The following NAALADL2 variants were observed in gnomAD, a reference collection of about 807,000 sequenced individuals.
NAALADL2 encodes N-acetylated alpha-linked acidic dipeptidase like 2.
Under a neutral mutation model 87.2 loss-of-function variants are expected in NAALADL2, and 76 were observed. That is an observed-to-expected ratio of 0.87 (90% CI 0.72 to 1.05). The LOEUF (loss-of-function observed/expected upper bound fraction) is 1.05. Ranked by LOEUF, NAALADL2 falls within the 50% of genes least tolerant of loss-of-function variation. NAALADL2 has a pLI of 0.00. For synonymous variants in NAALADL2, 354 were observed against 331.0 expected (o/e 1.07, Z -0.75); for missense variants, 1,089 against 945.8 (o/e 1.15, Z -1.99).
chr3:174,735,202 A>C (rs917290489), intron 2 of NAALADL2, among the ~76,000 whole-genome samples: 2 of 152,218 alleles, frequency 1.3e-5, no homozygotes, highest in Non-Finnish European at 2.9e-5. Flanking sequence ...TAGAATAACC[A>C]ATCTTGGTAT....
intron 3 of NAALADL2, among the ~76,000 whole-genome samples, chr3:174,752,827 A>G: frequency 6.6e-6 from 1 of 152,196 alleles, no homozygotes; most frequent in East Asian, 1.9e-4. Context: ...ATTTCATACA[A>G]AAAATTTAGT....
intron 13 of NAALADL2, among the ~76,000 whole-genome samples, chr3:175,800,608 C>CA (rs1754032284): frequency 1.3e-5 from 2 of 151,726 alleles, no homozygotes. Flanking sequence ...TCCAAAGATA[C>CA]AAAATCGACT....
At chr3:175,379,353 A>G (rs1167592245) in intron 5 of NAALADL2, among the ~76,000 whole-genome samples, 1 of 152,006 alleles carries the variant, frequency 6.6e-6, no homozygotes, top group Non-Finnish European at 1.5e-5. Flanking sequence ...CCCAAACTAC[A>G]AACTATCCAT....
At chr3:174,738,381 C>A (rs367719850) in intron 3 of NAALADL2, among the ~76,000 whole-genome samples, 3 of 152,194 alleles carry the variant, frequency 2.0e-5, no homozygotes, top group Non-Finnish European at 4.4e-5. Flanking sequence ...GGAACATAGA[C>A]AAATCTTTTA....
intron 5 of NAALADL2, among the ~76,000 whole-genome samples, chr3:175,327,447 A>G (rs562010043): frequency 1.3e-5 from 2 of 151,888 alleles, no homozygotes; most frequent in Admixed American, 1.3e-4. Context: ...GAGCCACCGC[A>G]CCCTGCCTCA....
intron 2 of NAALADL2, among the ~76,000 whole-genome samples, chr3:174,554,553 GT>G (rs1712521295): frequency 6.7e-6 from 1 of 149,098 alleles, no homozygotes; most frequent in South Asian, 2.1e-4. Context: ...TTGTTAAAAT[GT>G]GACAGTTTTT....
At chr3:175,098,110 C>A (rs1053659185) in intron 2 of NAALADL2, among the ~76,000 whole-genome samples, 1 of 152,096 alleles carries the variant, frequency 6.6e-6, no homozygotes, top group African/African-American at 2.4e-5. Context: ...ATCCTCTAAT[C>A]CTCTTCCTGA....
chr3:175,202,156 T>C (rs900053197), intron 2 of NAALADL2, among the ~76,000 whole-genome samples: 10 of 152,168 alleles, frequency 6.6e-5, no homozygotes, highest in African/African-American at 2.4e-4. Flanking sequence ...AAAATTCATA[T>C]TCCTAATCAC....
At chr3:175,691,928 G>A (rs775331043) in intron 11 of NAALADL2, among the ~76,000 whole-genome samples, 5 of 151,882 alleles carry the variant, frequency 3.3e-5, no homozygotes, top group Admixed American at 1.3e-4. Context: ...TGCATTTTAC[G>A]GTAAACCTTT....
intron 4 of NAALADL2, among the ~76,000 whole-genome samples, chr3:175,310,603 T>C (rs536795470): frequency 9.9e-5 from 15 of 152,042 alleles, no homozygotes; most frequent in African/African-American, 3.1e-4. Context: ...ATTGGTAGCT[T>C]AATAAAAAAT....
chr3:175,503,332 A>G (rs1729820367), intron 9 of NAALADL2, among the ~76,000 whole-genome samples: 1 of 152,084 alleles, frequency 6.6e-6, no homozygotes, highest in Non-Finnish European at 1.5e-5. Context: ...TCTACCACCG[A>G]TGGGTATTTA....
chr3:174,755,010 C>A (rs1281587558), intron 3 of NAALADL2, among the ~76,000 whole-genome samples: 1 of 152,084 alleles, frequency 6.6e-6, no homozygotes, highest in African/African-American at 2.4e-5. Context: ...GTGTCCCCAC[C>A]CAAATCTCGT....
chr3:174,815,830 G>GTTTTTTTTTTTTTTTTT (rs10589968), intron 3 of NAALADL2, among the ~76,000 whole-genome samples: 1 of 115,196 alleles, frequency 8.7e-6, no homozygotes, highest in Non-Finnish European at 1.8e-5. Context: ...TTTGACTTTA[G>GTTTTTTTTTTTTTTTTT]TTTTTTTTTT....
At chr3:175,351,252 C>A (rs1763732007) in intron 5 of NAALADL2, among the ~76,000 whole-genome samples, 1 of 151,902 alleles carries the variant, frequency 6.6e-6, no homozygotes, top group Admixed American at 6.6e-5. Context: ...AAAAAAATAG[C>A]TGTGCATTTC....
chr3:175,198,808 A>C (rs1053799567), intron 2 of NAALADL2, among the ~76,000 whole-genome samples: 1 of 151,310 alleles, frequency 6.6e-6, no homozygotes, highest in Non-Finnish European at 1.5e-5. Flanking sequence ...TTTCCCAAAA[A>C]CTCAGGATTT....
chr3:175,137,928 T>A (rs1286719526), intron 2 of NAALADL2, among the ~76,000 whole-genome samples: 3 of 152,104 alleles, frequency 2.0e-5, no homozygotes, highest in Non-Finnish European at 2.9e-5. Context: ...CAGTCCGAGA[T>A]TGACCCAATT....
chr3:175,508,446 T>C (rs1730656563), intron 9 of NAALADL2, among the ~76,000 whole-genome samples: 1 of 152,212 alleles, frequency 6.6e-6, no homozygotes, highest in Non-Finnish European at 1.5e-5. Flanking sequence ...GCTCCTCTTC[T>C]GTATACTCTC....
intron 11 of NAALADL2, chr3:175,675,338 A>G (rs542988539): frequency 6.6e-6 from 1 of 152,350 alleles, no homozygotes; most frequent in African/African-American, 2.4e-5. Flanking sequence ...ATCTCTCTTA[A>G]GGAGACTTAC....
rs1446438344 is a variant in NAALADL2 at position 175,062,475 on chromosome 3, G to GCT, written c.44-34314_44-34313dup. Among the ~76,000 whole-genome samples, 8 of 112,354 alleles carry GCT rather than the reference G, an allele frequency of 7.1e-5. No individual in the cohort carries two copies. The South Asian group carries it at 1.6e-3, about 23-fold the overall frequency. 73.7% of individuals were successfully genotyped at this position (112,354 alleles called of 152,430 possible). ...TCCTGTTTGTAGGGCTGGAAGTTTGGCTGTGTGTGTGTGTGTGTGTGTGTG... is the reference window on the plus strand; with the variant it reads ...TCCTGTTTGTAGGGCTGGAAGTTTGGCTCTGTGTGTGTGTGTGTGTGTGTGTG... On this transcript the variant is annotated intron_variant, in intron 1 of 13. Coordinates refer to ENST00000454872, the MANE Select transcript of NAALADL2 (RefSeq NM_207015.3).
Sources: allele counts gnomAD v4.1 joint callset (sites outside exome capture counted in the v4.1 genomes callset), GRCh38; gene constraint gnomAD v4.1.1; transcripts MANE v1.5; gene names NCBI Gene and HGNC (gene_info 2026-07-23, HGNC 2026-07-21).